UPRT: variants seen among roughly 807,000 people sequenced by gnomAD.
UPRT encodes the protein uracil phosphoribosyltransferase homolog.
In UPRT, 5 loss-of-function variants were observed where a neutral mutation model predicts 22.6. That is an observed-to-expected ratio of 0.22 (90% CI 0.12 to 0.47). The LOEUF is 0.47. Among genes scored for constraint, UPRT ranks in the 20% least tolerant of loss-of-function variants. The pLI, the probability that UPRT is intolerant of heterozygous loss-of-function variation, is 0.99. For synonymous variants in UPRT, 77 were observed against 87.7 expected (o/e 0.88, Z 0.68); for missense variants, 181 against 239.9 (o/e 0.75, Z 1.62).
At position 75,257,985 on chromosome X, in the gene UPRT, G is replaced by A. The variant is rs1052367900; in HGVS notation, c.-446-33039G>A. The stretch of plus-strand genomic sequence containing the variant: ...TCACCTCACCCAGGAAGCAAAATTG[G>A]TCAGGGAATTCTCTCCCCTACCCAA... On this transcript the variant is annotated intron_variant, in intron 4 of 13. Transcript: ENST00000652605. Among the ~76,000 whole-genome samples, 5 of 110,195 alleles carry A rather than the reference G, an allele frequency of 4.5e-5. 1 individual carries two copies. The South Asian group carries it at 2.0e-3, about 43-fold the overall frequency.
intron 4 of UPRT, among the ~76,000 whole-genome samples, chrX:75,253,789 A>G (rs1399210928): frequency 8.9e-6 from 1 of 112,158 alleles, no homozygotes; most frequent in Non-Finnish European, 1.9e-5. Context: ...TCATCCCCAA[A>G]CACAAACCCC....
intron 4 of UPRT, among the ~76,000 whole-genome samples, chrX:75,175,031 CTT>C (rs2147606193): frequency 9.0e-6 from 1 of 110,567 alleles, no homozygotes; most frequent in Non-Finnish European, 1.9e-5. Flanking sequence ...GTTTTTCTCT[CTT>C]TCCTTCTTTC....
At chrX:75,207,822 G>A (rs1375560917) in intron 4 of UPRT, among the ~76,000 whole-genome samples, 2 of 111,668 alleles carry the variant, frequency 1.8e-5, no homozygotes, top group African/African-American at 6.5e-5. Flanking sequence ...GTGGCTTGTG[G>A]GGCATTGCCA....
At chrX:75,185,189 C>T (rs1328323827) in intron 4 of UPRT, among the ~76,000 whole-genome samples, 9 of 111,899 alleles carry the variant, frequency 8.0e-5, no homozygotes, top group African/African-American at 2.9e-4. Context: ...TTTTGAAATA[C>T]ATCCCATCAA....
At chrX:75,249,594 C>A (rs1251266977) in intron 4 of UPRT, among the ~76,000 whole-genome samples, 2 of 111,111 alleles carry the variant, frequency 1.8e-5, no homozygotes, top group Non-Finnish European at 3.8e-5. Flanking sequence ...GACTTAGACT[C>A]CCACACAATA....
intron 4 of UPRT, among the ~76,000 whole-genome samples, chrX:75,207,053 C>G (rs183487630): frequency 8.9e-6 from 1 of 112,389 alleles, no homozygotes; most frequent in Non-Finnish European, 1.9e-5. Flanking sequence ...TTTGGTATCC[C>G]TTACAATGGA....
intron 4 of UPRT, among the ~76,000 whole-genome samples, chrX:75,262,891 A>C: frequency 9.0e-6 from 1 of 111,692 alleles, no homozygotes; most frequent in Non-Finnish European, 1.9e-5. Flanking sequence ...TATTTGACAG[A>C]TCAATGAGAC....
At chrX:75,176,853 G>T (rs923295776) in intron 4 of UPRT, among the ~76,000 whole-genome samples, 1 of 111,235 alleles carries the variant, frequency 9.0e-6, no homozygotes, top group Admixed American at 9.5e-5. Flanking sequence ...AGATCAAACT[G>T]CAGGATAGTA....
chrX:75,235,827 T>C (rs199653752), intron 4 of UPRT, among the ~76,000 whole-genome samples: 1 of 111,337 alleles, frequency 9.0e-6, no homozygotes, highest in African/African-American at 3.3e-5. Context: ...TATGACAAAC[T>C]CACAGCCAAT....
At chrX:75,237,902 A>G (rs1164814049) in intron 4 of UPRT, among the ~76,000 whole-genome samples, 1 of 109,901 alleles carries the variant, frequency 9.1e-6, no homozygotes, top group Non-Finnish European at 1.9e-5. Flanking sequence ...TACATATGTA[A>G]CTAACCTGCA....
intron 1 of UPRT, among the ~76,000 whole-genome samples, chrX:75,282,039 C>G (rs890970104): frequency 9.1e-6 from 1 of 110,246 alleles, no homozygotes; most frequent in African/African-American, 3.3e-5. Flanking sequence ...TCTGGGTTTT[C>G]TAGTTTATGT....
At chrX:75,170,642 T>G (rs2082224777) in intron 4 of UPRT, among the ~76,000 whole-genome samples, 2 of 111,369 alleles carry the variant, frequency 1.8e-5, no homozygotes, top group African/African-American at 6.5e-5. Context: ...GAATACCTTG[T>G]TTTTTTTATT....
chrX:75,297,114 G>A (rs891935594), intron 3 of UPRT, among the ~76,000 whole-genome samples: 5 of 111,611 alleles, frequency 4.5e-5, no homozygotes, highest in Non-Finnish European at 9.4e-5. Flanking sequence ...AGAATGGAAT[G>A]AGGAAGCTTT....
chrX:75,239,217 T>G (rs750406403), intron 4 of UPRT, among the ~76,000 whole-genome samples: 1 of 111,222 alleles, frequency 9.0e-6, no homozygotes, highest in East Asian at 2.8e-4. Context: ...ATTAGCAAGA[T>G]TAACCAGAAA....
chrX:75,226,685 A>T (rs1204044013), intron 4 of UPRT, among the ~76,000 whole-genome samples: 1 of 110,628 alleles, frequency 9.0e-6, no homozygotes, highest in African/African-American at 3.3e-5. Context: ...TGACCTCCAC[A>T]TTTAAAATTA....
chrX:75,185,916 T>C (rs1177795322), intron 4 of UPRT, among the ~76,000 whole-genome samples: 76 of 111,896 alleles, frequency 6.8e-4, no homozygotes, highest in Admixed American at 5.2e-3. Context: ...CTCTCTTTTT[T>C]TCTTTATTAG....
chrX:75,235,082 CAA>C, intron 4 of UPRT, among the ~76,000 whole-genome samples: 1 of 109,806 alleles, frequency 9.1e-6, no homozygotes, highest in Non-Finnish European at 1.9e-5. Flanking sequence ...CAAATAGATG[CAA>C]AAAAAATGAT....
intron 1 of UPRT, among the ~76,000 whole-genome samples, chrX:75,278,449 G>C (rs185049158): frequency 9.0e-6 from 1 of 111,664 alleles, no homozygotes; most frequent in Non-Finnish European, 1.9e-5. Flanking sequence ...TGGTGAACTT[G>C]GGATAAGAAA....
At position 75,258,744 on chromosome X, in the gene UPRT, G is replaced by A. The variant is rs370614161; in HGVS notation, c.-446-32280G>A. Among the ~76,000 whole-genome samples, 18 of 111,805 alleles carry A rather than the reference G, an allele frequency of 1.6e-4. 1 individual carries two copies. Among genetic ancestry groups the A allele is most frequent in the East Asian group, 8.6e-4 (3 of 3,505 alleles). ...GCATGATGGCTCTGAAGAGAGCAGCGGATCTCACAGCACAGTGAGCTCTGC... is the reference window on the plus strand; with the variant it reads ...GCATGATGGCTCTGAAGAGAGCAGCAGATCTCACAGCACAGTGAGCTCTGC... On this transcript the variant is annotated intron_variant, in intron 4 of 13. Transcript: ENST00000652605.
Sources: gnomAD v4.1 joint callset for allele counts (sites outside exome capture counted in the v4.1 genomes callset) on GRCh38, gnomAD v4.1.1 for gene constraint, MANE v1.5 for transcripts, NCBI Gene and HGNC (gene_info 2026-07-23, HGNC 2026-07-21) for gene names.